CCDC171: variants seen among roughly 807,000 people sequenced by gnomAD.
CCDC171 encodes the protein coiled-coil domain containing 171.
Under a neutral mutation model 168.2 loss-of-function variants are expected in CCDC171, and 177 were observed. The ratio of observed to expected loss-of-function variants is 1.05; its 90% confidence interval spans 0.93 to 1.19. CCDC171 has a LOEUF of 1.19. Ranked by LOEUF, CCDC171 falls within the 50% of genes most tolerant of loss-of-function variation. The probability of loss-of-function intolerance (pLI) is 0.00; values close to 1 mark genes in which losing one functional copy is unlikely to be tolerated. For synonymous variants in CCDC171, 687 were observed against 540.8 expected, an observed-to-expected ratio of 1.27 and a Z score of -3.75; for missense variants, 1,991 against 1,539.0, an observed-to-expected ratio of 1.29 and a Z score of -4.91.
intron 10 of CCDC171, among the ~76,000 whole-genome samples, chr9:15,682,395 CTG>C (rs1427304775): frequency 6.6e-6 from 1 of 151,912 alleles, no homozygotes; most frequent in Non-Finnish European, 1.5e-5. Context: ...AAAGTCTAAA[CTG>C]AGTATGTTGT....
At chr9:15,696,592 A>T (rs923080797) in intron 11 of CCDC171, among the ~76,000 whole-genome samples, 1 of 152,184 alleles carries the variant, frequency 6.6e-6, no homozygotes, top group African/African-American at 2.4e-5. Flanking sequence ...GAGATGTATC[A>T]GTGGTGTTTA....
At chr9:15,711,758 A>T (rs989289108) in intron 11 of CCDC171, among the ~76,000 whole-genome samples, 1 of 152,230 alleles carries the variant, frequency 6.6e-6, no homozygotes, top group Admixed American at 6.5e-5. Flanking sequence ...CTTTGGCACT[A>T]TTGTAAAGTT....
intron 7 of CCDC171, among the ~76,000 whole-genome samples, chr9:15,628,039 G>A (rs1264858243): frequency 1.3e-5 from 2 of 152,084 alleles, no homozygotes; most frequent in Non-Finnish European, 2.9e-5. Flanking sequence ...GGTTTCACTG[G>A]GGAGGGAGCC....
intron 18 of CCDC171, among the ~76,000 whole-genome samples, chr9:15,758,213 C>T (rs2056243346): frequency 6.6e-6 from 1 of 152,158 alleles, no homozygotes; most frequent in South Asian, 2.1e-4. Flanking sequence ...CTGTACCTTG[C>T]AAAGACACAG....
At chr9:15,995,873 A>G (rs997612516) in intron 3 of CCDC171, among the ~76,000 whole-genome samples, 2 of 152,158 alleles carry the variant, frequency 1.3e-5, no homozygotes, top group African/African-American at 4.8e-5. Context: ...ATTCACTGCT[A>G]TGGGGTAGAT....
chr9:15,729,638 A>G lies in CCDC171; in HGVS notation c.1889A>G (p.Asn630Ser), dbSNP rs374367232. 1.9e-6 allele frequency: 3 copies of G among 1,612,696 alleles called. No homozygotes were observed. The highest frequency in any genetic ancestry group is 2.5e-6 in the Non-Finnish European group (3 of 1,179,194). The change falls in exon 16 of 26, where the codon AAC (asparagine) becomes AGC (serine). Residue 630 changes from asparagine (N) to serine (S), a missense_variant. Asn to Ser is a conservative substitution (Grantham distance 46). Transcript: ENST00000380701. ...KIRHLEYICK[N>S]KSDTMRELQQ... ...AGGCATCTAGAGTATATCTGTAAAAACAAGTCTGACACGATGAGAGAGCTT... is the reference window on the plus strand; with the variant it reads ...AGGCATCTAGAGTATATCTGTAAAAGCAAGTCTGACACGATGAGAGAGCTT...
intron 16 of CCDC171, among the ~76,000 whole-genome samples, chr9:15,737,300 A>C (rs2054562110): frequency 6.6e-6 from 1 of 152,208 alleles, no homozygotes; most frequent in East Asian, 1.9e-4. Context: ...TTGGGGAGAT[A>C]CATGAAAAAG....
intron 24 of CCDC171, among the ~76,000 whole-genome samples, chr9:15,900,282 A>C (rs923475819): frequency 3.3e-5 from 5 of 152,198 alleles, no homozygotes; most frequent in African/African-American, 1.2e-4. Flanking sequence ...GACTGGAGGA[A>C]AGCAAACAGC....
downstream of CCDC171, among the ~76,000 whole-genome samples, chr9:15,974,725 C>G (rs1383269453): frequency 3.9e-5 from 6 of 152,066 alleles, no homozygotes; most frequent in Non-Finnish European, 8.8e-5. Flanking sequence ...AAATAAATAA[C>G]CTTTTAAATA....
At chr9:16,037,944 C>T (rs1301268436), upstream of CCDC171, among the ~76,000 whole-genome samples, 1 of 152,064 alleles carries the variant, frequency 6.6e-6, no homozygotes, top group Non-Finnish European at 1.5e-5. Flanking sequence ...TCATAAGATT[C>T]AGGAAGTACA....
intron 23 of CCDC171, among the ~76,000 whole-genome samples, chr9:15,869,083 T>A (rs1236405972): frequency 1.3e-5 from 2 of 151,998 alleles, no homozygotes; most frequent in Admixed American, 1.3e-4. Context: ...AGTTTGTACA[T>A]GTTCAGGACA....
intron 21 of CCDC171, among the ~76,000 whole-genome samples, chr9:15,843,471 A>G (rs1321743046): frequency 6.6e-6 from 1 of 151,924 alleles, no homozygotes; most frequent in African/African-American, 2.4e-5. Context: ...TTTTCTTGGT[A>G]AGTATTAAGA....
At chr9:15,740,286 A>G (rs922850496) in intron 16 of CCDC171, among the ~76,000 whole-genome samples, 3 of 152,000 alleles carry the variant, frequency 2.0e-5, no homozygotes, top group South Asian at 2.1e-4. Context: ...TTTCACCACC[A>G]TTTAGTCTGT....
At chr9:16,094,029 T>C in the CCDC171 span, among the ~76,000 whole-genome samples, 3 of 152,194 alleles carry the variant, frequency 2.0e-5, no homozygotes, top group African/African-American at 4.8e-5. Context: ...TTCTTTCTCT[T>C]GCTAGTGGCT....
chr9:16,043,025 G>T (rs1833598317), intron 1 of CCDC171: 1 of 152,154 alleles, frequency 6.6e-6, no homozygotes, highest in African/African-American at 2.4e-5. Flanking sequence ...GGGAGTGCCA[G>T]GCTTCCAGGT....
At chr9:16,063,136 T>G (rs796585607), downstream of CCDC171, among the ~76,000 whole-genome samples, 5 of 152,228 alleles carry the variant, frequency 3.3e-5, no homozygotes, top group African/African-American at 1.2e-4. Context: ...AGAAGGTGGT[T>G]TGCGGAAAGG....
chr9:15,936,591 A>G lies in CCDC171; in HGVS notation c.3753+16169A>G, dbSNP rs935935481. ...GAACACTTGGGCCTGCTGCATTTCA[A>G]CAGTTGTATGTTGCTTGAAAAAATA... On this transcript the variant is annotated intron_variant, in intron 25 of 25. Transcript: ENST00000380701. 1.2e-4 allele frequency among the ~76,000 whole-genome samples: 18 copies of G among 152,098 alleles called. No homozygotes were observed. In the East Asian group the frequency reaches 2.0e-3, roughly 17 times the overall value.
chr9:15,884,042 T>C (rs1389912591), intron 24 of CCDC171, among the ~76,000 whole-genome samples: 3 of 152,190 alleles, frequency 2.0e-5, no homozygotes, highest in Non-Finnish European at 2.9e-5. Context: ...TACAATTGTT[T>C]TCTTTTTGTG....
intron 18 of CCDC171, among the ~76,000 whole-genome samples, chr9:15,760,271 T>G (rs2056372364): frequency 6.6e-6 from 1 of 152,208 alleles, no homozygotes; most frequent in Non-Finnish European, 1.5e-5. Context: ...AATAACTGTA[T>G]GGCTTTTCAT....
Sources: allele counts gnomAD v4.1 joint callset (sites outside exome capture counted in the v4.1 genomes callset), GRCh38; gene constraint gnomAD v4.1.1; transcripts MANE v1.5; gene names NCBI Gene and HGNC (gene_info 2026-07-23, HGNC 2026-07-21).